ACTC1: variants seen among roughly 807,000 people sequenced by gnomAD.
ACTC1 encodes actin alpha cardiac muscle 1, also known as actin, alpha cardiac muscle 1.
ACTC1 carries 10 observed loss-of-function variants against 31.6 expected under a neutral mutation model. That is an observed-to-expected ratio of 0.32 (90% CI 0.19 to 0.54). The LOEUF is 0.54. Among genes scored for constraint, ACTC1 ranks in the 20% least tolerant of loss-of-function variants. ACTC1 has a pLI of 0.95. For missense variants in ACTC1, 129 were observed against 506.4 expected (o/e 0.25, Z 7.15); for synonymous variants, 196 against 185.0 (o/e 1.06, Z -0.48).
Position 34,792,845 on chromosome 15 carries a change from T to C in ACTC1, c.455-276A>G. 1.9e-6 allele frequency: 1 copy of C among 530,660 alleles called. No individual in the cohort carries two copies. The highest frequency in any genetic ancestry group is 2.1e-5 in the South Asian group (1 of 48,540). The allele number at this position is 530,660 out of a possible 1,614,324, so 32.9% of individuals were successfully genotyped here. On this transcript the variant is annotated intron_variant, in intron 3 of 6. Coordinates refer to ENST00000290378, the MANE Select transcript of ACTC1 (RefSeq NM_005159.5). The surrounding 1 kb of genome is among the most constrained non-coding windows in gnomAD (Gnocchi z 5.3). ...TTTCTTGTCAGCCACGAGCACATTA[T>C]GTAAGCACCCAAGGGTGTTTTTCTT...
intron 1 of ACTC1, 111 bp downstream of exon 1, chr15:34,795,395 G>A (rs1281135287): frequency 1.3e-5 from 2 of 152,892 alleles, no homozygotes; most frequent in Non-Finnish European, 2.9e-5. Context: ...CAGGAGCTGG[G>A]GCCTTGGCTG....
chr15:34,791,160 A>T lies in ACTC1; in HGVS notation c.944T>A (p.Met315Lys), dbSNP rs1555418685. The change falls in exon 6 of 7, where the codon ATG (methionine) becomes AAG (lysine). Residue 315 changes from methionine to lysine, a missense_variant. This residue lies in a region of ACTC1 where 44 missense variants were observed against 127.4 expected (regional missense o/e 0.35). Coordinates refer to ENST00000290378, the MANE Select transcript of ACTC1 (RefSeq NM_005159.5). ...TTMYPGIADR[M>K]QKEITALAPS... ...AGCCAGAGCAGTGATTTCCTTCTGC[A>T]TACGATCAGCAATACCAGGGTACAT... is the stretch of plus-strand genomic sequence containing the variant. The T allele has an allele frequency of 6.2e-7, 1 of 1,611,532 alleles. No individual in the cohort carries two copies. Among genetic ancestry groups the T allele is most frequent in the Non-Finnish European group, 8.5e-7 (1 of 1,177,792 alleles).
At chr15:34,791,993 T>G in intron 5 of ACTC1, 97 bp downstream of exon 5, 5 of 1,369,922 alleles carry the variant, frequency 3.6e-6, no homozygotes, top group Non-Finnish European at 5.1e-6. Context: ...ATGACTTCTT[T>G]TAACTCAAGG....
rs1464288133 is a variant in ACTC1, at chr15:34,795,509, C to G, written c.-26G>C. ...GGAGGGCCGGGCGCTGACTCACCGTCGGCGGGGCGGGTCGGCTCGGCTCCG... is the reference window on the plus strand; with the variant it reads ...GGAGGGCCGGGCGCTGACTCACCGTGGGCGGGGCGGGTCGGCTCGGCTCCG... On this transcript the variant is annotated 5_prime_UTR_variant, in exon 1 of 7. Coordinates refer to ENST00000290378, the MANE Select transcript of ACTC1 (RefSeq NM_005159.5). 2.6e-5 allele frequency: 4 copies of G among 152,612 alleles called. No homozygotes were observed. The highest frequency in any genetic ancestry group is 9.7e-5 in the African/African-American group (4 of 41,320). The allele number at this position is 152,612 out of a possible 1,614,324, so 9.5% of individuals were successfully genotyped here.
At chr15:34,791,983 A>G in intron 5 of ACTC1, 107 bp downstream of exon 5, 1 of 1,241,102 alleles carries the variant, frequency 8.1e-7, no homozygotes, top group East Asian at 2.5e-5. Context: ...AATCCAAACT[A>G]TGACTTCTTT....
Position 34,790,264 on chromosome 15 carries a change from G to T in ACTC1, c.*148C>A, listed in dbSNP as rs549446281. 1.8e-6 allele frequency: 2 copies of T among 1,092,826 alleles called. No individual in the cohort carries two copies. The highest frequency in any genetic ancestry group is 2.5e-5 in the East Asian group (1 of 39,940). The allele number at this position is 1,092,826 out of a possible 1,614,324, so 67.7% of individuals were successfully genotyped here. Reference sequence around the variant, plus strand: ...AGTCCTGGTCTGGTTTATTTATAAAGCAATAAATATTAGAAGCACAAACAA... The same window carrying T: ...AGTCCTGGTCTGGTTTATTTATAAATCAATAAATATTAGAAGCACAAACAA... On this transcript the variant is annotated 3_prime_UTR_variant, in exon 7 of 7. Coordinates refer to ENST00000290378, the MANE Select transcript of ACTC1 (RefSeq NM_005159.5).
chr15:34,791,050 G>A lies in ACTC1; in HGVS notation c.990+64C>T, dbSNP rs2307494. On this transcript the variant is annotated intron_variant, in intron 6 of 6. Transcript: ENST00000290378. ...CTGAGTATGAGGGAAAAGGAATTTG[G>A]AACGTAGTTCTGCTTAGAATACCAA... is the stretch of plus-strand genomic sequence containing the variant. 12,976 of 1,447,654 alleles carry A rather than the reference G, an allele frequency of 9.0e-3. 74 individuals are homozygous for A. Among genetic ancestry groups the A allele is most frequent in the Non-Finnish European group, 0.011 (11,390 of 1,065,300 alleles). 89.7% of individuals were successfully genotyped at this position (1,447,654 alleles called of 1,614,324 possible).
Position 34,792,729 on chromosome 15 carries a change from A to G in ACTC1, c.455-160T>C, listed in dbSNP as rs1219249034. 1 of 760,902 alleles carries G rather than the reference A, an allele frequency of 1.3e-6. No homozygotes were observed. Among genetic ancestry groups the G allele is most frequent in the African/African-American group, 1.7e-5 (1 of 57,842 alleles). The allele number at this position is 760,902 out of a possible 1,614,324, so 47.1% of individuals were successfully genotyped here. The stretch of plus-strand genomic sequence containing the variant: ...TTACACACAAAGAATAAAAATGCGC[A>G]TCAGGAATACTAAATCTGAAGCAAA... On this transcript the variant is annotated intron_variant, in intron 3 of 6. Transcript: ENST00000290378. The surrounding 1 kb of genome is among the most constrained non-coding windows in gnomAD (Gnocchi z 5.3).
At position 34,792,022 on chromosome 15, in the gene ACTC1, A is replaced by T; in HGVS notation, c.808+68T>A. ...CTCAAGGGCTTCTTGAGCCTTCTAG[A>T]TTTTACTCTGGGAGACCCTAAGATT... On this transcript the variant is annotated intron_variant, in intron 5 of 6. Coordinates refer to ENST00000290378, the MANE Select transcript of ACTC1 (RefSeq NM_005159.5). This position sits in a 1 kb window ranked among gnomAD's most constrained non-coding sequence, Gnocchi z 5.3. 6.3e-7 allele frequency: 1 copy of T among 1,578,698 alleles called. No individual in the cohort carries two copies. Among genetic ancestry groups the T allele is most frequent in the South Asian group, 1.1e-5 (1 of 89,928 alleles).
chr15:34,790,930 A>G (rs1891691478), intron 6 of ACTC1, among the ~76,000 whole-genome samples, 184 bp downstream of exon 6: 2 of 152,172 alleles, frequency 1.3e-5, no homozygotes, highest in African/African-American at 4.8e-5. Flanking sequence ...ACTGCTTAAA[A>G]GCATTTTGGA....
chr15:34,793,656 G>T lies in ACTC1; in HGVS notation c.130-87C>A. 2.5e-6 allele frequency: 3 copies of T among 1,206,240 alleles called. No individual in the cohort carries two copies. The highest frequency in any genetic ancestry group is 3.6e-6 in the Non-Finnish European group (3 of 827,186). 74.7% of individuals were successfully genotyped at this position (1,206,240 alleles called of 1,614,324 possible). Reference sequence around the variant, plus strand: ...TGTCCATTTATATCTAACTGCCCAAGTCAAGGAACATATTTAAATACCAGA... The same window carrying T: ...TGTCCATTTATATCTAACTGCCCAATTCAAGGAACATATTTAAATACCAGA... On this transcript the variant is annotated intron_variant, in intron 2 of 6. Transcript: ENST00000290378. This position sits in a 1 kb window ranked among gnomAD's most constrained non-coding sequence, Gnocchi z 4.8.
Position 34,791,307 on chromosome 15 carries a change from T to TCACACACA in ACTC1, c.809-20_809-13dup, listed in dbSNP as rs59431308. The stretch of plus-strand genomic sequence containing the variant: ...AGCAGATTCCATACCTGGGAACGAG[T>TCACACACA]CACACACACACACACACACACACAC... On this transcript the variant is annotated splice_polypyrimidine_tract_variant and intron_variant, in intron 5 of 6. Coordinates refer to ENST00000290378, the MANE Select transcript of ACTC1 (RefSeq NM_005159.5). The TCACACACA allele has an allele frequency of 2.0e-3, 2,578 of 1,307,868 alleles. 5 individuals are homozygous for TCACACACA. Among genetic ancestry groups the TCACACACA allele is most frequent in the Admixed American group, 3.9e-3 (220 of 56,212 alleles). The allele number at this position is 1,307,868 out of a possible 1,614,324, so 81.0% of individuals were successfully genotyped here. A position where few individuals can be genotyped will look rare whatever the true frequency, so the allele number is the denominator to read the frequency against.
rs555107579 is a variant in ACTC1 at position 34,793,264 on chromosome 15, A to G, written c.435T>C (p.Tyr145=). ...YVAIQAVLSL[Y]ASGRTTGIVL... The stretch of plus-strand genomic sequence containing the variant: ...GCATACCTGTGGTACGGCCAGAAGC[A>G]TACAGGGATAGCACTGCCTGGATGG... The change falls in exon 3 of 7, where the codon TAT becomes TAC. Residue 145 remains tyrosine, a synonymous_variant. Coordinates refer to ENST00000290378, the MANE Select transcript of ACTC1 (RefSeq NM_005159.5). The surrounding 1 kb of genome is among the most constrained non-coding windows in gnomAD (Gnocchi z 4.8). The G allele has an allele frequency of 6.2e-7, 1 of 1,614,160 alleles. No homozygotes were observed. Among genetic ancestry groups the G allele is most frequent in the African/African-American group, 1.3e-5 (1 of 75,046 alleles).
Position 34,792,381 on chromosome 15 carries a change from T to C in ACTC1, c.616+27A>G. ...AGAGAGGAGGAAAGCAGACCCACAC[T>C]GTGGCAGATGAGACACACACACTCA... On this transcript the variant is annotated intron_variant, in intron 4 of 6. Transcript: ENST00000290378. This position sits in a 1 kb window ranked among gnomAD's most constrained non-coding sequence, Gnocchi z 5.3. The C allele has an allele frequency of 6.2e-7, 1 of 1,614,166 alleles. No homozygotes were observed. Among genetic ancestry groups the C allele is most frequent in the Non-Finnish European group, 8.5e-7 (1 of 1,180,010 alleles).
chr15:34,795,453 G>A (rs191155306), intron 1 of ACTC1, 53 bp downstream of exon 1: 2,348 of 152,378 alleles, frequency 0.015, 29 homozygotes, highest in Admixed American at 0.033. Flanking sequence ...GGCGTCCGGC[G>A]CGGCCCGCGG....
Position 34,792,696 on chromosome 15 carries a change from T to TA in ACTC1, c.455-128dup. On this transcript the variant is annotated intron_variant, in intron 3 of 6. Coordinates refer to ENST00000290378, the MANE Select transcript of ACTC1 (RefSeq NM_005159.5). This position sits in a 1 kb window ranked among gnomAD's most constrained non-coding sequence, Gnocchi z 5.3. Reference sequence around the variant, plus strand: ...CAATGGGCATTGATCCAGATAAAATTAGATTCCTTACACACAAAGAATAAA... The same window carrying TA: ...CAATGGGCATTGATCCAGATAAAATTAAGATTCCTTACACACAAAGAATAAA... The TA allele has an allele frequency of 1.0e-6, 1 of 971,120 alleles. No homozygotes were observed. Among genetic ancestry groups the TA allele is most frequent in the Non-Finnish European group, 1.6e-6 (1 of 618,604 alleles). 60.2% of individuals were successfully genotyped at this position (971,120 alleles called of 1,614,324 possible).
chr15:34,792,298 T>A lies in ACTC1; in HGVS notation c.617-17A>T. The A allele has an allele frequency of 6.2e-7, 1 of 1,613,952 alleles. No individual in the cohort carries two copies. Among genetic ancestry groups the A allele is most frequent in the Non-Finnish European group, 8.5e-7 (1 of 1,179,976 alleles). ...CACGTTCAGCTACAGAAATAAAGAG[T>A]ATCACAGTCATGCTCTGAAGCAAGA... On this transcript the variant is annotated splice_polypyrimidine_tract_variant and intron_variant, in intron 4 of 6. Transcript: ENST00000290378. The surrounding 1 kb of genome is among the most constrained non-coding windows in gnomAD (Gnocchi z 5.3).
At chr15:34,791,337 A>AT (rs374685988) in intron 5 of ACTC1, 42 bp from the exon 6 acceptor site, 16 of 1,247,238 alleles carry the variant, frequency 1.3e-5, no homozygotes, top group Admixed American at 2.0e-5. Flanking sequence ...ACACACACAC[A>AT]CACACACACA....
At chr15:34,795,331 A>G (rs1395864502) in intron 1 of ACTC1, among the ~76,000 whole-genome samples, 175 bp downstream of exon 1, 14 of 149,746 alleles carry the variant, frequency 9.3e-5, no homozygotes, top group Non-Finnish European at 1.3e-4. Context: ...AGTTAGAACC[A>G]AATCAAAAAG....
Sources: gnomAD v4.1 joint callset for allele counts (sites outside exome capture counted in the v4.1 genomes callset) on GRCh38, gnomAD v4.1.1 for gene constraint, gnomAD v4.1.1 regional missense constraint, Gnocchi (gnomAD v3.1) non-coding constraint, MANE v1.5 for transcripts, NCBI Gene and HGNC (gene_info 2026-07-23, HGNC 2026-07-21) for gene names.